NFIA: variants seen among roughly 807,000 people sequenced by gnomAD.
NFIA encodes the protein nuclear factor I A, also known as nuclear factor 1 A-type.
NFIA carries 8 observed loss-of-function variants against 62.8 expected under a neutral mutation model. The ratio of observed to expected loss-of-function variants is 0.13; its 90% CI spans 0.07 to 0.23. The LOEUF (loss-of-function observed/expected upper bound fraction) is 0.23, where lower values mean the gene tolerates loss of function less well. Among genes scored for constraint, NFIA ranks in the 10% least tolerant of loss-of-function variants. The pLI is 1.00. For synonymous variants in NFIA, 235 were observed against 238.1 expected (o/e 0.99, Z 0.12); for missense variants, 410 against 642.1 (o/e 0.64, Z 3.91).
chr1:61,272,720 C>A (rs1657587662), intron 2 of NFIA, among the ~76,000 whole-genome samples: 1 of 152,148 alleles, frequency 6.6e-6, no homozygotes, highest in Non-Finnish European at 1.5e-5. Flanking sequence ...TCCTTACTTT[C>A]TTTTACCTCA....
chr1:61,394,665 A>C (rs1665174904), intron 7 of NFIA, among the ~76,000 whole-genome samples: 1 of 152,166 alleles, frequency 6.6e-6, no homozygotes, highest in African/African-American at 2.4e-5. Context: ...CCAAGCTGAC[A>C]TGAAAACTTG....
chr1:61,242,406 A>T (rs1262865184), intron 2 of NFIA, among the ~76,000 whole-genome samples: 2 of 152,116 alleles, frequency 1.3e-5, no homozygotes, highest in African/African-American at 4.8e-5. Context: ...GTAATAAGGG[A>T]AGATAGTTTG....
intron 6 of NFIA, among the ~76,000 whole-genome samples, chr1:61,374,040 A>T (rs776796043): frequency 3.9e-5 from 6 of 152,174 alleles, no homozygotes; most frequent in African/African-American, 7.2e-5. Flanking sequence ...CTTAATTTTT[A>T]AATTCATTTA....
chr1:61,313,897 G>A (rs758524594), intron 3 of NFIA, among the ~76,000 whole-genome samples: 1 of 152,170 alleles, frequency 6.6e-6, no homozygotes, highest in Non-Finnish European at 1.5e-5. Flanking sequence ...GACTCTACCA[G>A]TTACTGTCTG....
chr1:61,279,160 A>T lies in NFIA; in HGVS notation c.625+1575A>T, dbSNP rs564418208. ...ATTGTTCCATGTTGATCTCCATCCA[A>T]TCTTTTGGAAAAGATAGGCAAACGG... is the stretch of plus-strand genomic sequence containing the variant. On this transcript the variant is annotated intron_variant, in intron 3 of 10. Transcript: ENST00000403491. 3.3e-5 allele frequency among the ~76,000 whole-genome samples: 5 copies of T among 152,214 alleles called. No homozygotes were observed. In the South Asian group the frequency reaches 1.0e-3, roughly 32 times the overall value.
chr1:61,171,653 G>A (rs553587816), intron 2 of NFIA, among the ~76,000 whole-genome samples: 24 of 152,280 alleles, frequency 1.6e-4, no homozygotes, highest in Middle Eastern at 6.8e-3. Flanking sequence ...CTAATCTGAG[G>A]ACGAATAAGA....
At chr1:61,115,439 A>G (rs1646778857) in intron 2 of NFIA, among the ~76,000 whole-genome samples, 1 of 152,226 alleles carries the variant, frequency 6.6e-6, no homozygotes, top group African/African-American at 2.4e-5. Context: ...CACATAGACT[A>G]CAAGGGATTT....
intron 2 of NFIA, among the ~76,000 whole-genome samples, chr1:61,197,854 G>A (rs574525497): frequency 6.6e-6 from 1 of 152,008 alleles, no homozygotes; most frequent in Non-Finnish European, 1.5e-5. Context: ...GGTGGTGGGT[G>A]CCAGTAATTC....
chr1:61,286,220 G>A (rs1658482739), intron 3 of NFIA, among the ~76,000 whole-genome samples: 1 of 151,888 alleles, frequency 6.6e-6, no homozygotes, highest in African/African-American at 2.4e-5. Flanking sequence ...GAGGTCAGGG[G>A]ATTGAGACCA....
chr1:61,213,895 G>T (rs1653428545), intron 2 of NFIA, among the ~76,000 whole-genome samples: 1 of 152,182 alleles, frequency 6.6e-6, no homozygotes, highest in Non-Finnish European at 1.5e-5. Flanking sequence ...AAGTCCTGCT[G>T]ACGCACCAGG....
At chr1:61,184,115 G>GA (rs1553158985) in intron 2 of NFIA, among the ~76,000 whole-genome samples, 707 of 69,226 alleles carry the variant, frequency 0.01, 9 homozygotes, top group South Asian at 0.037. Context: ...ATGGGGGGGG[G>GA]AAAAAAAACC....
rs1667141258 is a variant in NFIA at position 61,432,515 on chromosome 1, A to C, written c.1512+5959A>C. On this transcript the variant is annotated intron_variant, in intron 10 of 10. Transcript: ENST00000403491. ...CTGAGTGTAGAAGGTTAGTTACCAC[A>C]CAGAAGTTCAAGGAGCAGCTGGAGA... Among the ~76,000 whole-genome samples the C allele has an allele frequency of 2.0e-5, 3 of 151,844 alleles. No homozygotes were observed. In the South Asian group the frequency reaches 6.2e-4, roughly 32 times the overall value.
At chr1:61,246,333 T>C (rs549872466) in intron 2 of NFIA, among the ~76,000 whole-genome samples, 15 of 152,320 alleles carry the variant, frequency 9.8e-5, no homozygotes, top group Admixed American at 7.2e-4. Context: ...ACAGTAGATA[T>C]GTTCATCAAC....
At chr1:61,200,924 T>C (rs1357637924) in intron 2 of NFIA, among the ~76,000 whole-genome samples, 1 of 152,240 alleles carries the variant, frequency 6.6e-6, no homozygotes, top group Non-Finnish European at 1.5e-5. Context: ...AGCAAAGTTA[T>C]GAAATTCTGT....
chr1:61,405,072 G>C (rs1227368446), intron 8 of NFIA, among the ~76,000 whole-genome samples: 6 of 152,126 alleles, frequency 3.9e-5, no homozygotes, highest in Admixed American at 3.9e-4. Context: ...TAATAACTGT[G>C]CATGAAGTCA....
At chr1:61,160,071 A>G (rs1206849132) in intron 2 of NFIA, among the ~76,000 whole-genome samples, 2 of 152,196 alleles carry the variant, frequency 1.3e-5, no homozygotes, top group Admixed American at 1.3e-4. Flanking sequence ...CCTTTCATCA[A>G]ATCAGTGTGG....
intron 2 of NFIA, among the ~76,000 whole-genome samples, chr1:61,114,312 C>T (rs181739682): frequency 4.0e-4 from 60 of 151,868 alleles, no homozygotes; most frequent in African/African-American, 1.4e-3. Context: ...ATAGCAAGAC[C>T]CCATCTTAAA....
chr1:61,449,298 T>TG (rs1046707242), intron 10 of NFIA, among the ~76,000 whole-genome samples: 2 of 152,178 alleles, frequency 1.3e-5, no homozygotes, highest in African/African-American at 4.8e-5. Flanking sequence ...TTGCCCTCAT[T>TG]GGGGTGACTG....
At chr1:61,403,740 T>C (rs965783183) in intron 7 of NFIA, among the ~76,000 whole-genome samples, 2 of 152,248 alleles carry the variant, frequency 1.3e-5, no homozygotes, top group Non-Finnish European at 2.9e-5. Flanking sequence ...CTAGAATTTG[T>C]CATATGTAAT....
Sources: gnomAD v4.1 joint callset for allele counts (sites outside exome capture counted in the v4.1 genomes callset) on GRCh38, gnomAD v4.1.1 for gene constraint, MANE v1.5 for transcripts, NCBI Gene and HGNC (gene_info 2026-07-23, HGNC 2026-07-21) for gene names.